Variants in GAN observed in about 807,000 individuals in gnomAD.
The protein encoded by GAN is gigaxonin.
Under a neutral mutation model 71.3 loss-of-function variants are expected in GAN, and 48 were observed. The ratio of observed to expected loss-of-function variants is 0.67; its 90% confidence interval spans 0.53 to 0.86. GAN has a LOEUF of 0.86. Ranked by LOEUF, GAN falls within the 40% of genes least tolerant of loss-of-function variation. The pLI is 0.00. For missense variants in GAN, 928 were observed against 770.1 expected (o/e 1.21, Z -2.43); for synonymous variants, 386 against 276.8 (o/e 1.39, Z -3.92).
intron 5 of GAN, among the ~76,000 whole-genome samples, chr16:81,360,698 ATTTTTATTT>A (rs1910645690): frequency 6.6e-6 from 1 of 151,730 alleles, no homozygotes; most frequent in Non-Finnish European, 1.5e-5. Flanking sequence ...CTTCCAGTTA[ATTTTTATTT>A]TTTAAACATG....
chr16:81,315,601 G>A (rs1909009129), intron 1 of GAN, among the ~76,000 whole-genome samples: 4 of 152,092 alleles, frequency 2.6e-5, no homozygotes, highest in Admixed American at 2.6e-4. Flanking sequence ...CGACCTCGGA[G>A]ACCCTGAGGC....
chr16:81,326,497 C>T (rs1023993049), intron 1 of GAN, among the ~76,000 whole-genome samples: 5 of 152,122 alleles, frequency 3.3e-5, no homozygotes, highest in Admixed American at 6.5e-5. Flanking sequence ...CGCGCCATTG[C>T]GCTCTAGCCT....
intron 5 of GAN, among the ~76,000 whole-genome samples, chr16:81,358,782 T>C (rs1910575014): frequency 6.6e-6 from 1 of 152,188 alleles, no homozygotes; most frequent in African/African-American, 2.4e-5. Flanking sequence ...AAGATAGCCA[T>C]TGAGGCATTG....
At chr16:81,376,545 A>G (rs1904280986) in intron 9 of GAN, among the ~76,000 whole-genome samples, 1 of 149,190 alleles carries the variant, frequency 6.7e-6, no homozygotes, top group African/African-American at 2.5e-5. Flanking sequence ...GTATATGTAT[A>G]TACACACATA....
Position 81,357,865 on chromosome 16 carries a change from A to G in GAN, c.907A>G (p.Arg303Gly). ...CATGTGCCCTCTCTATGACCCTAAC[A>G]GGCAGCTTTGGATCGAACTGGCCCC... Reference protein sequence around the residue: ...RCMCPLYDPNRQLWIELAPLS... With the variant: ...RCMCPLYDPNGQLWIELAPLS... Residue 303 changes from arginine (R) to glycine (G), a missense_variant, in exon 5 of 11, where the codon AGG (arginine) becomes GGG (glycine). Transcript: ENST00000648994. The G allele has an allele frequency of 6.2e-7, 1 of 1,613,498 alleles. No individual in the cohort carries two copies. Among genetic ancestry groups the G allele is most frequent in the East Asian group, 2.2e-5 (1 of 44,880 alleles).
rs925246329 is a variant in GAN at position 81,381,601 on chromosome 16, A to G, written c.*4005A>G. 9 of 152,256 alleles carry G rather than the reference A, an allele frequency of 5.9e-5. No homozygotes were observed. The highest frequency in any genetic ancestry group is 1.9e-4 in the African/African-American group (8 of 41,444). The allele number at this position is 152,256 out of a possible 1,614,324, so 9.4% of individuals were successfully genotyped here. A position where few individuals can be genotyped will look rare whatever the true frequency, so the allele number is the denominator to read the frequency against. ...GCACCCACTAGGAACTGTGCTTGCCATCCTGGGAGCTGAACAGTGAGGCAG... is the reference window on the plus strand; with the variant it reads ...GCACCCACTAGGAACTGTGCTTGCCGTCCTGGGAGCTGAACAGTGAGGCAG... On this transcript the variant is annotated 3_prime_UTR_variant, in exon 11 of 11. Transcript: ENST00000648994.
At chr16:81,335,626 A>G (rs1909730678) in intron 1 of GAN, among the ~76,000 whole-genome samples, 2 of 152,090 alleles carry the variant, frequency 1.3e-5, no homozygotes, top group South Asian at 2.1e-4. Flanking sequence ...GCACACTTGC[A>G]ATCCCAGCTA....
intron 5 of GAN, among the ~76,000 whole-genome samples, chr16:81,358,133 A>T (rs1910553298): frequency 6.6e-6 from 1 of 152,190 alleles, no homozygotes; most frequent in African/African-American, 2.4e-5. Flanking sequence ...TCTTCAGCAC[A>T]TAGCTGCTTT....
intron 5 of GAN, among the ~76,000 whole-genome samples, chr16:81,358,535 G>A (rs900885585): frequency 6.6e-6 from 1 of 151,924 alleles, no homozygotes; most frequent in African/African-American, 2.4e-5. Context: ...CTTGAGCCCA[G>A]GAGATCGAGA....
At position 81,365,518 on chromosome 16, in the gene GAN, C is replaced by T. The variant is rs373999262; in HGVS notation, c.1502+40C>T. 4.4e-6 allele frequency: 7 copies of T among 1,594,010 alleles called. No homozygotes were observed. In the South Asian group the frequency reaches 7.7e-5, roughly 18 times the overall value. ...TTTCACATAGCTACTGCAACTTTTT[C>T]TTTGTGCTTTCAGTCGTATTTTAGC... On this transcript the variant is annotated intron_variant, in intron 9 of 10. Transcript: ENST00000648994.
intron 9 of GAN, among the ~76,000 whole-genome samples, chr16:81,368,105 A>G (rs565812539): frequency 1.4e-4 from 22 of 152,310 alleles, no homozygotes; most frequent in African/African-American, 5.3e-4. Flanking sequence ...ACTTTCTGGG[A>G]AAAAAGCCAT....
At chr16:81,334,660 C>T (rs1909694658) in intron 1 of GAN, among the ~76,000 whole-genome samples, 2 of 152,112 alleles carry the variant, frequency 1.3e-5, no homozygotes, top group Non-Finnish European at 2.9e-5. Context: ...GCTGAGTGTC[C>T]AGCACACCCT....
Position 81,378,875 on chromosome 16 carries a change from C to A in GAN, c.*1279C>A, listed in dbSNP as rs547143902. On this transcript the variant is annotated 3_prime_UTR_variant, in exon 11 of 11. Transcript: ENST00000648994. ...GGAAAAATGTCTTTCGTTCGTGGAA[C>A]GTATCTTGTAAGATATTTTGTTTTC... 1 of 152,596 alleles carries A rather than the reference C, an allele frequency of 6.6e-6. No individual in the cohort carries two copies. The highest frequency in any genetic ancestry group is 1.5e-5 in the Non-Finnish European group (1 of 68,034). The allele number at this position is 152,596 out of a possible 1,614,324, so 9.5% of individuals were successfully genotyped here. A position where few individuals can be genotyped will look rare whatever the true frequency, so the allele number is the denominator to read the frequency against.
At chr16:81,326,081 G>A (rs1401510872) in intron 1 of GAN, among the ~76,000 whole-genome samples, 1 of 152,196 alleles carries the variant, frequency 6.6e-6, no homozygotes, top group African/African-American at 2.4e-5. Context: ...AGTTCATGGT[G>A]TGTGCCTTCA....
intron 3 of GAN, among the ~76,000 whole-genome samples, chr16:81,355,978 G>T (rs1312728751): frequency 6.6e-6 from 1 of 152,194 alleles, no homozygotes; most frequent in Non-Finnish European, 1.5e-5. Flanking sequence ...AGAAAAATGA[G>T]AAAAATTTCC....
At chr16:81,372,837 G>A (rs564879975) in intron 9 of GAN, among the ~76,000 whole-genome samples, 1 of 152,312 alleles carries the variant, frequency 6.6e-6, no homozygotes, top group South Asian at 2.1e-4. Flanking sequence ...TCTTTCAAAG[G>A]TGTGTTCAGG....
In GAN at chr16:81,363,795, C is replaced by G; in HGVS notation, c.1088C>G (p.Ala363Gly). Residue 363 changes from alanine (A) to glycine (G), a missense_variant and splice_region_variant, in exon 7 of 11, where the codon GCA becomes GGA. Transcript: ENST00000648994. ...TWTALPPMNE[A>G]RHNFGIVEID... The stretch of plus-strand genomic sequence containing the variant: ...CAGGGATCGCTAATGTAATTTCAGG[C>G]AAGACATAACTTCGGAATTGTGGAG... 1 of 1,613,430 alleles carries G rather than the reference C, an allele frequency of 6.2e-7. No individual in the cohort carries two copies. Among genetic ancestry groups the G allele is most frequent in the South Asian group, 1.1e-5 (1 of 91,052 alleles).
chr16:81,363,911 A>G lies in GAN; in HGVS notation c.1204A>G (p.Thr402Ala), dbSNP rs757710632. ...ECYDIYSKTW[T>A]KQPDLTMVRK... ...TTACGATATTTATTCTAAAACCTGG[A>G]CAAAGCAACCTGATTTGACCATGGT... The change falls in exon 7 of 11, where the codon ACA (threonine) becomes GCA (alanine). Residue 402 changes from threonine to alanine, a missense_variant. By Grantham distance (58) the Thr-to-Ala change is moderately conservative (BLOSUM62 0). Coordinates refer to ENST00000648994, the MANE Select transcript of GAN (RefSeq NM_022041.4). 1 of 1,613,444 alleles carries G rather than the reference A, an allele frequency of 6.2e-7. No individual in the cohort carries two copies. The highest frequency in any genetic ancestry group is 2.2e-5 in the East Asian group (1 of 44,870).
chr16:81,347,857 CTGGAG>C (rs1228585281), intron 1 of GAN, among the ~76,000 whole-genome samples: 1 of 151,988 alleles, frequency 6.6e-6, no homozygotes, highest in Non-Finnish European at 1.5e-5. Context: ...ATGATGTGCT[CTGGAG>C]TGGGTCTATT....
Sources: gnomAD v4.1 joint callset for allele counts (sites outside exome capture counted in the v4.1 genomes callset) on GRCh38, gnomAD v4.1.1 for gene constraint, MANE v1.5 for transcripts, NCBI Gene and HGNC (gene_info 2026-07-23, HGNC 2026-07-21) for gene names.